GRIK2: variants seen among roughly 807,000 people sequenced by gnomAD.
The protein encoded by GRIK2 is glutamate ionotropic receptor kainate type subunit 2, also known as glutamate receptor ionotropic, kainate 2.
In GRIK2, 32 loss-of-function variants were observed where a neutral mutation model predicts 100.3. That is an observed-to-expected ratio of 0.32 (90% confidence interval 0.24 to 0.43). The LOEUF (loss-of-function observed/expected upper bound fraction) is 0.43. Ranked by LOEUF, GRIK2 falls within the 20% of genes least tolerant of loss-of-function variation. The pLI, the probability that GRIK2 is intolerant of heterozygous loss-of-function variation, is 1.00. For missense variants in GRIK2, 843 were observed against 1,114.9 expected (o/e 0.76, Z 3.47); for synonymous variants, 417 against 389.4 (o/e 1.07, Z -0.83).
At chr6:101,616,288 A>G (rs1779891299) in intron 2 of GRIK2, among the ~76,000 whole-genome samples, 1 of 151,858 alleles carries the variant, frequency 6.6e-6, no homozygotes, top group Non-Finnish European at 1.5e-5. Flanking sequence ...ATTTTGAAGA[A>G]TATTCATTTT....
In GRIK2 at chr6:102,008,387, T is replaced by A. The variant is rs1056133962; in HGVS notation, c.2086-26954T>A. 2.0e-5 allele frequency among the ~76,000 whole-genome samples: 3 copies of A among 152,186 alleles called. No individual in the cohort carries two copies. The South Asian group carries it at 6.2e-4, about 32-fold the overall frequency. ...GCATAAGCTGTTTGATGGAACCAAT[T>A]TTAATGGCTTCAGCAAAGTTGAAAG... is the stretch of plus-strand genomic sequence containing the variant. On this transcript the variant is annotated intron_variant, in intron 14 of 16. Coordinates refer to ENST00000369134, the MANE Select transcript of GRIK2 (RefSeq NM_021956.5).
intron 7 of GRIK2, among the ~76,000 whole-genome samples, chr6:101,776,085 G>A (rs185693087): frequency 7.0e-4 from 107 of 152,248 alleles, no homozygotes; most frequent in African/African-American, 1.6e-3. Flanking sequence ...ATGACTTTGG[G>A]TAGGAAAGAA....
At chr6:102,020,699 C>CAGAG (rs1313680037) in intron 14 of GRIK2, among the ~76,000 whole-genome samples, 1 of 151,754 alleles carries the variant, frequency 6.6e-6, no homozygotes, top group Non-Finnish European at 1.5e-5. Context: ...AAAGTTTGAT[C>CAGAG]AGAGAATATT....
chr6:102,003,660 ATATATCTGCC>A (rs1488111783), intron 14 of GRIK2, among the ~76,000 whole-genome samples: 2 of 151,792 alleles, frequency 1.3e-5, no homozygotes, highest in Non-Finnish European at 3.0e-5. Context: ...TTGTCATTGC[ATATATCTGCC>A]AGTTTGCTGG....
intron 14 of GRIK2, among the ~76,000 whole-genome samples, chr6:101,997,409 ATGCATC>A (rs1230629775): frequency 6.6e-6 from 1 of 152,032 alleles, no homozygotes; most frequent in Non-Finnish European, 1.5e-5. Context: ...TACTTTTAAT[ATGCATC>A]TTTGGTATTT....
chr6:101,834,752 T>C (rs1160397707), intron 10 of GRIK2, among the ~76,000 whole-genome samples: 9 of 152,252 alleles, frequency 5.9e-5, no homozygotes, highest in African/African-American at 1.9e-4. Context: ...AATATCACCT[T>C]CCAGGGCAGA....
At chr6:101,866,832 T>G (rs115476690) in intron 11 of GRIK2, among the ~76,000 whole-genome samples, 3,886 of 151,984 alleles carry the variant, frequency 0.026, 201 homozygotes, top group African/African-American at 0.088. Context: ...ATATAGTAAT[T>G]TATTATATTT....
intron 14 of GRIK2, among the ~76,000 whole-genome samples, chr6:101,933,714 TG>T (rs1293523683): frequency 1.3e-5 from 2 of 151,938 alleles, no homozygotes; most frequent in African/African-American, 4.8e-5. Context: ...CATTTACTGA[TG>T]GAAAACATAT....
chr6:101,417,822 TG>T (rs1776224778), intron 2 of GRIK2, among the ~76,000 whole-genome samples: 1 of 152,244 alleles, frequency 6.6e-6, no homozygotes, highest in Non-Finnish European at 1.5e-5. Context: ...ACTTACAAAG[TG>T]TGTAACCTTA....
intron 2 of GRIK2, among the ~76,000 whole-genome samples, chr6:101,490,205 T>C (rs138824821): frequency 1.4e-5 from 2 of 147,128 alleles, no homozygotes; most frequent in East Asian, 3.9e-4. Flanking sequence ...TACTACATAT[T>C]ATGCAACATA....
At chr6:101,957,271 T>C (rs1791996795) in intron 14 of GRIK2, among the ~76,000 whole-genome samples, 1 of 74 alleles carries the variant, frequency 0.014, no homozygotes, top group Non-Finnish European at 0.024. Context: ...TTTGTCATGT[T>C]TTTTTGGCTG....
chr6:101,809,553 C>T (rs1781203059), intron 9 of GRIK2, among the ~76,000 whole-genome samples: 1 of 151,890 alleles, frequency 6.6e-6, no homozygotes, highest in African/African-American at 2.4e-5. Flanking sequence ...TTTTTATCTT[C>T]CTCTCTTTGG....
intron 4 of GRIK2, among the ~76,000 whole-genome samples, chr6:101,654,559 A>G (rs1781966870): frequency 6.6e-6 from 1 of 152,122 alleles, no homozygotes; most frequent in Admixed American, 6.6e-5. Flanking sequence ...CCATTCTGTA[A>G]TATGTTCAAT....
chr6:101,402,454 G>C (rs751560322), intron 2 of GRIK2, among the ~76,000 whole-genome samples: 1 of 152,132 alleles, frequency 6.6e-6, no homozygotes. Context: ...AGGCTGGCCT[G>C]CTCCTCTGCA....
At chr6:101,709,187 T>C (rs1773539554) in intron 7 of GRIK2, among the ~76,000 whole-genome samples, 1 of 151,796 alleles carries the variant, frequency 6.6e-6, no homozygotes, top group African/African-American at 2.4e-5. Context: ...CCATTTTCAC[T>C]GCAAGCCAAT....
chr6:101,468,695 C>A (rs2579938), intron 2 of GRIK2, among the ~76,000 whole-genome samples: 79,421 of 151,920 alleles, frequency 0.52, 20,961 homozygotes, highest in South Asian at 0.55. Flanking sequence ...ACTGGCCTTA[C>A]TGGATCCTAG....
intron 10 of GRIK2, among the ~76,000 whole-genome samples, chr6:101,846,813 C>T (rs1053280389): frequency 1.3e-5 from 2 of 152,076 alleles, no homozygotes; most frequent in South Asian, 4.1e-4. Flanking sequence ...TTCTATGATT[C>T]TCTTGTAAAC....
At chr6:101,831,744 C>T (rs1019834223) in intron 10 of GRIK2, among the ~76,000 whole-genome samples, 10 of 151,754 alleles carry the variant, frequency 6.6e-5, no homozygotes, top group Admixed American at 6.6e-4. Flanking sequence ...GTATTTTTTC[C>T]TGTAGCATTT....
intron 12 of GRIK2, among the ~76,000 whole-genome samples, chr6:101,922,130 T>TCCCTC (rs112463262): frequency 2.1e-5 from 1 of 47,042 alleles, no homozygotes; most frequent in Non-Finnish European, 4.2e-5. Context: ...CTTCCTTCCT[T>TCCCTC]CCTTCCTTCC....
Sources: gnomAD v4.1 joint callset for allele counts (sites outside exome capture counted in the v4.1 genomes callset) on GRCh38, gnomAD v4.1.1 for gene constraint, MANE v1.5 for transcripts, NCBI Gene and HGNC (gene_info 2026-07-23, HGNC 2026-07-21) for gene names.